Variants in MDN1 observed in about 807,000 individuals in gnomAD.
MDN1 encodes the protein midasin.
A neutral mutation model predicts 669.2 loss-of-function variants in MDN1; 266 were observed. The ratio of observed to expected loss-of-function variants is 0.40; its 90% CI spans 0.36 to 0.44. The LOEUF is 0.44. MDN1 is among the 20% of genes least tolerant of loss of function. The pLI, the probability that MDN1 is intolerant of heterozygous loss-of-function variation, is 1.00. For synonymous variants in MDN1, 2,385 were observed against 2,457.1 expected, an observed-to-expected ratio of 0.97 and a Z score of 0.87; for missense variants, 5,940 against 6,754.0, an observed-to-expected ratio of 0.88 and a Z score of 4.22.
chr6:89,697,702 C>T (rs1812862235), intron 59 of MDN1, among the ~76,000 whole-genome samples: 1 of 152,000 alleles, frequency 6.6e-6, no homozygotes, highest in African/African-American at 2.4e-5. Flanking sequence ...CTGACTCAGC[C>T]TCCCAAGTAG....
chr6:89,700,286 T>TC lies in MDN1; in HGVS notation c.8646dup (p.Lys2883GlufsTer26). ...AAACACTGAGCATGCACAAAATTCT[T>TC]CAATTCATCTGGACAAAAAGACAAA... On this transcript the variant is annotated frameshift_variant, in exon 57 of 102. Transcript: ENST00000369393. LOFTEE classifies it high-confidence loss of function. The TC allele has an allele frequency of 6.2e-7, 1 of 1,613,564 alleles. No individual in the cohort carries two copies. The highest frequency in any genetic ancestry group is 8.5e-7 in the Non-Finnish European group (1 of 1,179,502).
chr6:89,675,300 G>A, intron 78 of MDN1, 164 bp downstream of exon 78: 1 of 605,492 alleles, frequency 1.7e-6, no homozygotes. Flanking sequence ...ATCACTGAAA[G>A]CAAGGGGCAG....
chr6:89,796,033 C>T (rs566249999), intron 2 of MDN1, among the ~76,000 whole-genome samples: 22 of 151,628 alleles, frequency 1.5e-4, no homozygotes, highest in Admixed American at 1.3e-3. Context: ...ATTATTAAAA[C>T]TTTGAACATG....
Position 89,643,087 on chromosome 6 carries a change from G to C in MDN1, c.*918C>G, listed in dbSNP as rs919506078. On this transcript the variant is annotated 3_prime_UTR_variant, in exon 102 of 102. Transcript: ENST00000369393. Reference sequence around the variant, plus strand: ...TCTGGCCAAGTAAAAACTGCCTAAAGATCAGTTTCTTTCGACTGGAAAAAA... The same window carrying C: ...TCTGGCCAAGTAAAAACTGCCTAAACATCAGTTTCTTTCGACTGGAAAAAA... 1 of 152,160 alleles carries C rather than the reference G, an allele frequency of 6.6e-6. No homozygotes were observed. The highest frequency in any genetic ancestry group is 2.4e-5 in the African/African-American group (1 of 41,410). 9.4% of individuals were successfully genotyped at this position (152,160 alleles called of 1,614,324 possible).
At chr6:89,656,007 C>A in intron 91 of MDN1, 39 bp from the exon 92 acceptor site, 2 of 1,582,156 alleles carry the variant, frequency 1.3e-6, no homozygotes, top group South Asian at 2.2e-5. Flanking sequence ...CCTTGCCTGT[C>A]ATGACAAAAG....
intron 11 of MDN1, among the ~76,000 whole-genome samples, chr6:89,779,116 C>A (rs911781951): frequency 1.3e-5 from 2 of 151,878 alleles, no homozygotes; most frequent in Non-Finnish European, 2.9e-5. Context: ...GGTATTTGGT[C>A]TGCATGGAAT....
chr6:89,650,741 G>T lies in MDN1; in HGVS notation c.16022C>A (p.Ala5341Asp). The T allele has an allele frequency of 6.2e-7, 1 of 1,613,644 alleles. No homozygotes were observed. Residue 5341 changes from alanine to aspartate, a missense_variant, in exon 96 of 102, where the codon GCC (alanine) becomes GAC (aspartate). Transcript: ENST00000369393. Reference protein sequence around the residue: ...LRLILEPTQAAKLKGDYRTGK... With the variant: ...LRLILEPTQADKLKGDYRTGK... The stretch of plus-strand genomic sequence containing the variant: ...AGAGGGGAAGACTTACTTCAGCTTG[G>T]CTGCCTGGGTAGGCTCTAATATGAG...
chr6:89,808,094 CTTTTT>C (rs544170170), intron 1 of MDN1, among the ~76,000 whole-genome samples: 2 of 144,240 alleles, frequency 1.4e-5, no homozygotes, highest in African/African-American at 5.1e-5. Flanking sequence ...TCACTTTTTT[CTTTTT>C]TTTTTTCCCG....
At chr6:89,819,441 G>T (rs1191921920) in intron 1 of MDN1, 65 bp downstream of exon 1, 5 of 1,408,666 alleles carry the variant, frequency 3.5e-6, no homozygotes, top group Non-Finnish European at 4.9e-6. Context: ...GCGGGGGAGC[G>T]CAGGAAGCTT....
At chr6:89,673,814 A>T (rs1377962871) in intron 79 of MDN1, among the ~76,000 whole-genome samples, 2 of 151,960 alleles carry the variant, frequency 1.3e-5, no homozygotes, top group African/African-American at 4.8e-5. Context: ...ATAGGCTTTT[A>T]TTTTGGACCA....
intron 33 of MDN1, among the ~76,000 whole-genome samples, chr6:89,732,989 C>A (rs986190610): frequency 6.6e-6 from 1 of 152,130 alleles, no homozygotes; most frequent in Admixed American, 6.5e-5. Flanking sequence ...CCATCCCTAT[C>A]CAAAGAACAA....
rs750618549 is a variant in MDN1, at chr6:89,687,427, T to G, written c.11367A>C (p.Glu3789Asp). 1.3e-5 allele frequency: 21 copies of G among 1,613,718 alleles called. No homozygotes were observed. The South Asian group carries it at 1.5e-4, about 12-fold the overall frequency. Residue 3789 changes from glutamate to aspartate, a missense_variant, in exon 68 of 102, where the codon GAA (glutamate) becomes GAC (aspartate). By Grantham distance (45) the Glu-to-Asp change is conservative (BLOSUM62 2). This residue lies in a region of MDN1 where 2,280 missense variants were observed against 2,576.3 expected (regional missense o/e 0.88). Transcript: ENST00000369393. The stretch of plus-strand genomic sequence containing the variant: ...GCAAAGACAAAGCTCGACTTGCATT[T>G]TCCTCCCAATCCTAAAGAAACAAAG... ...ILLAKAQDWE[E>D]NASRALSLRK...
chr6:89,668,180 A>G (rs1810400584), intron 83 of MDN1, 29 bp from the exon 84 acceptor site: 3 of 1,611,376 alleles, frequency 1.9e-6, no homozygotes, highest in Non-Finnish European at 1.7e-6. Flanking sequence ...GAAGTGAACA[A>G]TTAGGCACAA....
In MDN1 at chr6:89,675,550, G is replaced by C. The variant is rs750980829; in HGVS notation, c.12675C>G (p.Cys4225Trp). 1 of 1,613,964 alleles carries C rather than the reference G, an allele frequency of 6.2e-7. No homozygotes were observed. The highest frequency in any genetic ancestry group is 1.1e-5 in the South Asian group (1 of 91,084). The stretch of plus-strand genomic sequence containing the variant: ...TCATCAAATGTGCTGAGAACCCTCT[G>C]CACCTCTCCACGTTGCCCATGCCCA... ...KEMGMGNVER[C>W]RGFSAHLMKM... is the part of the protein sequence containing the mutation. Residue 4225 changes from cysteine to tryptophan, a missense_variant, in exon 78 of 102, where the codon TGC (cysteine) becomes TGG (tryptophan). By Grantham distance (215) the Cys-to-Trp change is radical. Around this residue, in one of 5 missense-constraint regions of MDN1, gnomAD observed 2,280 missense variants for 2,576.3 expected, o/e 0.88. Transcript: ENST00000369393.
intron 15 of MDN1, among the ~76,000 whole-genome samples, chr6:89,770,628 C>T (rs763031518): frequency 1.3e-4 from 20 of 152,048 alleles, no homozygotes; most frequent in Non-Finnish European, 2.6e-4. Context: ...CCTCAGCCTC[C>T]CTAGTAGCTG....
In MDN1 at chr6:89,694,862, T is replaced by C. The variant is rs143269333; in HGVS notation, c.9772-679A>G. ...GCCACCACACCCAGCCTCTACTTGATTCTTGAGTTTTAGATAGCAAGCACC... is the reference window on the plus strand; with the variant it reads ...GCCACCACACCCAGCCTCTACTTGACTCTTGAGTTTTAGATAGCAAGCACC... On this transcript the variant is annotated intron_variant, in intron 61 of 101. Transcript: ENST00000369393. 3.0e-3 allele frequency among the ~76,000 whole-genome samples: 459 copies of C among 152,278 alleles called. 3 individuals are homozygous for C. The highest frequency in any genetic ancestry group is 0.011 in the African/African-American group (442 of 41,558).
chr6:89,753,480 T>C (rs750330184), intron 22 of MDN1, 32 bp downstream of exon 22: 1 of 1,509,300 alleles, frequency 6.6e-7, no homozygotes, highest in South Asian at 1.2e-5. Context: ...GCCTTTCAAG[T>C]GTAACAAGTC....
chr6:89,780,551 C>T (rs1194962604), intron 10 of MDN1, among the ~76,000 whole-genome samples: 1 of 151,886 alleles, frequency 6.6e-6, no homozygotes, highest in Non-Finnish European at 1.5e-5. Flanking sequence ...AGTGACCTAC[C>T]AACTCATTAC....
intron 62 of MDN1, 65 bp downstream of exon 62, chr6:89,694,009 T>C (rs954244754): frequency 1.5e-6 from 2 of 1,302,614 alleles, no homozygotes; most frequent in Non-Finnish European, 2.2e-6. Context: ...ACTCACACCA[T>C]AACTACATTA....
Sources: gnomAD v4.1 joint callset for allele counts (sites outside exome capture counted in the v4.1 genomes callset) on GRCh38, gnomAD v4.1.1 for gene constraint, gnomAD v4.1.1 regional missense constraint, MANE v1.5 for transcripts, NCBI Gene and HGNC (gene_info 2026-07-23, HGNC 2026-07-21) for gene names.